Variants in HIRA observed in about 807,000 individuals in gnomAD.
The protein encoded by HIRA is histone cell cycle regulator.
In HIRA, 13 loss-of-function variants were observed where a neutral mutation model predicts 126.6. The observed-to-expected ratio is 0.10, with a 90% CI of 0.07 to 0.16. HIRA has a LOEUF of 0.16. Ranked by LOEUF, HIRA falls within the 10% of genes least tolerant of loss-of-function variation. The pLI, the probability that HIRA is intolerant of heterozygous loss-of-function variation, is 1.00. For synonymous variants in HIRA, 511 were observed against 520.0 expected (o/e 0.98, Z 0.24); for missense variants, 834 against 1,314.4 (o/e 0.63, Z 5.65).
intron 24 of HIRA, among the ~76,000 whole-genome samples, chr22:19,349,992 C>CTT (rs1241492973): frequency 3.5e-5 from 5 of 144,926 alleles, no homozygotes; most frequent in Non-Finnish European, 7.6e-5. Context: ...TTTTTCTTTT[C>CTT]TTTTTTTTTT....
chr22:19,398,371 G>C (rs538749159), intron 5 of HIRA, among the ~76,000 whole-genome samples: 1 of 152,228 alleles, frequency 6.6e-6, no homozygotes, highest in African/African-American at 2.4e-5. Flanking sequence ...TACTTCGTGG[G>C]TCTGTGGCCT....
Position 19,331,304 on chromosome 22 carries a change from C to T in HIRA, c.*136G>A, listed in dbSNP as rs781883304. 1.3e-5 allele frequency: 21 copies of T among 1,584,244 alleles called. No homozygotes were observed. The highest frequency in any genetic ancestry group is 1.7e-4 in the Middle Eastern group (1 of 6,020). On this transcript the variant is annotated 3_prime_UTR_variant, in exon 25 of 25. Coordinates refer to ENST00000263208, the MANE Select transcript of HIRA (RefSeq NM_003325.4). ...ACATCTGCCCAGGGAGCTGGGCTGG[C>T]GCTGGTGCAGGACAGCACATCTCCT...
chr22:19,375,390 C>T (rs983988175), intron 15 of HIRA, among the ~76,000 whole-genome samples: 1 of 152,190 alleles, frequency 6.6e-6, no homozygotes, highest in African/African-American at 2.4e-5. Flanking sequence ...TGCCTTTGAC[C>T]TTGTGGTTCT....
At position 19,431,534 on chromosome 22, in the gene HIRA, G is replaced by A; in HGVS notation, c.-58C>T. ...AGCGCCGGGTCCCTCAGCGCGCCCG[G>A]GCCATGGAGCCACCGCCGCCGCTTC... On this transcript the variant is annotated 5_prime_UTR_variant, in exon 1 of 25. Coordinates refer to ENST00000263208, the MANE Select transcript of HIRA (RefSeq NM_003325.4). 7.3e-7 allele frequency: 1 copy of A among 1,361,946 alleles called. No homozygotes were observed. The highest frequency in any genetic ancestry group is 9.6e-7 in the Non-Finnish European group (1 of 1,044,660). The allele number at this position is 1,361,946 out of a possible 1,614,324, so 84.4% of individuals were successfully genotyped here. A position where few individuals can be genotyped will look rare whatever the true frequency, so the allele number is the denominator to read the frequency against.
chr22:19,413,917 G>T (rs1356956042), intron 1 of HIRA, among the ~76,000 whole-genome samples: 1 of 151,964 alleles, frequency 6.6e-6, no homozygotes, highest in East Asian at 1.9e-4. Flanking sequence ...GCCCGGCCAG[G>T]AATGAACCTC....
intron 6 of HIRA, among the ~76,000 whole-genome samples, chr22:19,397,508 T>C (rs1004305281): frequency 1.3e-5 from 2 of 152,254 alleles, no homozygotes; most frequent in African/African-American, 4.8e-5. Flanking sequence ...AATACAGAGC[T>C]GAAATATGAG....
chr22:19,392,393 T>C (rs1350717752), intron 8 of HIRA, among the ~76,000 whole-genome samples, 179 bp from the exon 9 acceptor site: 1 of 152,170 alleles, frequency 6.6e-6, no homozygotes, highest in African/African-American at 2.4e-5. Flanking sequence ...GAAAGGAAGC[T>C]TAGGGAGGTC....
At chr22:19,389,237 G>A (rs896580606) in intron 9 of HIRA, among the ~76,000 whole-genome samples, 8 of 152,062 alleles carry the variant, frequency 5.3e-5, no homozygotes, top group Non-Finnish European at 1.0e-4. Flanking sequence ...TCCTGTAAAA[G>A]TCTCTTCTGG....
chr22:19,367,260 G>A (rs1407798862), intron 15 of HIRA, among the ~76,000 whole-genome samples: 1 of 152,092 alleles, frequency 6.6e-6, no homozygotes, highest in African/African-American at 2.4e-5. Flanking sequence ...TCTGCATGGG[G>A]ATTGATTCCA....
intron 24 of HIRA, among the ~76,000 whole-genome samples, chr22:19,341,317 G>C (rs2088625625): frequency 6.6e-6 from 1 of 152,022 alleles, no homozygotes; most frequent in Non-Finnish European, 1.5e-5. Context: ...CGGGTGTGCT[G>C]GCACATGCTG....
intron 24 of HIRA, among the ~76,000 whole-genome samples, chr22:19,341,434 G>A (rs2088627211): frequency 7.7e-6 from 1 of 130,426 alleles, no homozygotes; most frequent in Non-Finnish European, 1.6e-5. Flanking sequence ...GGGTGACAGA[G>A]TGGGACCCTG....
Position 19,431,712 on chromosome 22 carries a change from C to T in HIRA, c.-236G>A. The T allele has an allele frequency of 2.8e-6, 1 of 355,014 alleles. No homozygotes were observed. Among genetic ancestry groups the T allele is most frequent in the African/African-American group, 2.1e-5 (1 of 46,556 alleles). 22.0% of individuals were successfully genotyped at this position (355,014 alleles called of 1,614,324 possible). ...CAGCCGCATCCCCTGCGCCGCTCCT[C>T]CTCAGGCGGCTCCCGGGCAACGCCG... On this transcript the variant is annotated 5_prime_UTR_variant, in exon 1 of 25. Coordinates refer to ENST00000263208, the MANE Select transcript of HIRA (RefSeq NM_003325.4).
Position 19,392,233 on chromosome 22 carries a change from T to C in HIRA, c.823-19A>G. The C allele has an allele frequency of 6.7e-7, 1 of 1,492,934 alleles. No homozygotes were observed. The highest frequency in any genetic ancestry group is 1.1e-5 in the South Asian group (1 of 88,120). 92.5% of individuals were successfully genotyped at this position (1,492,934 alleles called of 1,614,324 possible). On this transcript the variant is annotated intron_variant, in intron 8 of 24. Transcript: ENST00000263208. ...TGAATTTCTAAAGCCAAATAACAGA[T>C]GTTAAAAATAATTAATCAAGCATCA...
intron 13 of HIRA, among the ~76,000 whole-genome samples, chr22:19,379,548 C>T (rs2089052345): frequency 6.7e-6 from 1 of 149,716 alleles, no homozygotes; most frequent in Non-Finnish European, 1.5e-5. Flanking sequence ...TCTCTTGAAC[C>T]AGGGAGGCAG....
At chr22:19,353,620 C>A in intron 22 of HIRA, 101 bp from the exon 23 acceptor site, 1 of 1,254,296 alleles carries the variant, frequency 8.0e-7, no homozygotes, top group Admixed American at 2.7e-5. Context: ...AGGAGGCAGG[C>A]ACCAGGGCTG....
chr22:19,394,224 A>G, intron 8 of HIRA, 118 bp downstream of exon 8: 1 of 1,234,420 alleles, frequency 8.1e-7, no homozygotes. Flanking sequence ...AACCAAGTAC[A>G]TACTCTATTT....
At chr22:19,346,141 A>G (rs1444368087) in intron 24 of HIRA, among the ~76,000 whole-genome samples, 1 of 151,798 alleles carries the variant, frequency 6.6e-6, no homozygotes, top group Non-Finnish European at 1.5e-5. Context: ...GCTGGTTGGA[A>G]GTCCACCCTC....
chr22:19,420,462 CAAAAAAA>C (rs760003741), intron 1 of HIRA, among the ~76,000 whole-genome samples: 1 of 63,594 alleles, frequency 1.6e-5, no homozygotes, highest in Non-Finnish European at 3.2e-5. Flanking sequence ...AAAACTGTCT[CAAAAAAA>C]AAAAAAAAAA....
At chr22:19,375,356 A>G (rs996794864) in intron 15 of HIRA, among the ~76,000 whole-genome samples, 2 of 152,158 alleles carry the variant, frequency 1.3e-5, no homozygotes, top group Admixed American at 1.3e-4. Context: ...TTCTCAGTTC[A>G]GCCTCTGCAC....
Sources: gnomAD v4.1 joint callset for allele counts (sites outside exome capture counted in the v4.1 genomes callset) on GRCh38, gnomAD v4.1.1 for gene constraint, MANE v1.5 for transcripts, NCBI Gene and HGNC (gene_info 2026-07-23, HGNC 2026-07-21) for gene names.